Variants in SOAT1 observed in about 807,000 individuals in gnomAD.
The protein encoded by SOAT1 is sterol O-acyltransferase 1.
In SOAT1, 55 loss-of-function variants were observed where a neutral mutation model predicts 69.5. The ratio of observed to expected loss-of-function variants is 0.79; its 90% CI spans 0.64 to 0.99. The LOEUF (loss-of-function observed/expected upper bound fraction) is 0.99. Among genes scored for constraint, SOAT1 ranks in the 50% least tolerant of loss-of-function variants. SOAT1 has a pLI of 0.00. For synonymous variants in SOAT1, 231 were observed against 224.7 expected (o/e 1.03, Z -0.25); for missense variants, 580 against 669.3 (o/e 0.87, Z 1.47).
rs35938597 is a variant in SOAT1, at chr1:179,325,147, A to ATTTTTT, written c.177+1667_177+1672dup. ...TCTATTCTTGCAAGTTTAGTGACTA[A>ATTTTTT]TTTTTTTTTTTTTTTTTTTTGAGAC... On this transcript the variant is annotated intron_variant, in intron 3 of 15. Transcript: ENST00000367619. 9.6e-4 allele frequency among the ~76,000 whole-genome samples: 93 copies of ATTTTTT among 96,820 alleles called. 1 individual carries two copies. The highest frequency in any genetic ancestry group is 1.6e-3 in the African/African-American group (42 of 25,938). 63.5% of individuals were successfully genotyped at this position (96,820 alleles called of 152,430 possible).
In SOAT1 at chr1:179,300,210, C is replaced by T. The variant is rs148667226; in HGVS notation, c.-8-2467C>T. 1.8e-3 allele frequency among the ~76,000 whole-genome samples: 279 copies of T among 151,766 alleles called. 4 individuals carry two copies. Among genetic ancestry groups the T allele is most frequent in the African/African-American group, 6.2e-3 (258 of 41,410 alleles). ...ATTCCCATTATTCCTTGTAAAATTC[C>T]TCTCTTACTGAAACATCTTGGTTCC... On this transcript the variant is annotated intron_variant, in intron 1 of 15. Coordinates refer to ENST00000367619, the MANE Select transcript of SOAT1 (RefSeq NM_003101.6).
In SOAT1 at chr1:179,342,199, A is replaced by G. The variant is rs754983530; in HGVS notation, c.859+7A>G. ...TCAGCTAAGGAGAAATCAAGTATGT[A>G]ATTTCTTTTGTTCATTATTTCTTCC... is the stretch of plus-strand genomic sequence containing the variant. On this transcript the variant is annotated splice_region_variant and intron_variant, in intron 8 of 15. Coordinates refer to ENST00000367619, the MANE Select transcript of SOAT1 (RefSeq NM_003101.6). 1.9e-6 allele frequency: 3 copies of G among 1,604,942 alleles called. No homozygotes were observed. The highest frequency in any genetic ancestry group is 2.6e-6 in the Non-Finnish European group (3 of 1,173,066).
chr1:179,342,240 T>TC, intron 8 of SOAT1, 48 bp downstream of exon 8: 1 of 1,077,640 alleles, frequency 9.3e-7, no homozygotes, highest in South Asian at 1.4e-5. Context: ...TCCCCTCCTC[T>TC]CCCCCCACCC....
chr1:179,336,867 T>C (rs938602229), intron 4 of SOAT1, among the ~76,000 whole-genome samples: 2 of 151,900 alleles, frequency 1.3e-5, no homozygotes, highest in African/African-American at 2.4e-5. Flanking sequence ...CCATGGCAAG[T>C]GCCTATAATC....
intron 7 of SOAT1, among the ~76,000 whole-genome samples, chr1:179,341,604 G>T (rs778746049): frequency 2.1e-4 from 31 of 147,786 alleles, no homozygotes; most frequent in Non-Finnish European, 4.4e-4. Context: ...GCACCATCTC[G>T]GCTCACTGCA....
chr1:179,309,074 G>A (rs1466721413), intron 2 of SOAT1, among the ~76,000 whole-genome samples: 1 of 152,104 alleles, frequency 6.6e-6, no homozygotes, highest in Non-Finnish European at 1.5e-5. Flanking sequence ...ACTTGTACTG[G>A]TATACCTATA....
chr1:179,296,866 T>C (rs992951180), intron 1 of SOAT1, among the ~76,000 whole-genome samples: 7 of 152,216 alleles, frequency 4.6e-5, no homozygotes, highest in African/African-American at 1.4e-4. Flanking sequence ...GTTTCTCAAA[T>C]CATTTCTTTT....
chr1:179,353,531 C>T, intron 15 of SOAT1, 54 bp from the exon 16 acceptor site: 2 of 1,472,230 alleles, frequency 1.4e-6, no homozygotes, highest in Non-Finnish European at 1.9e-6. Context: ...ATCTCCACAC[C>T]TCCTCTACTC....
At chr1:179,297,095 A>C (rs1246617523) in intron 1 of SOAT1, among the ~76,000 whole-genome samples, 2 of 152,166 alleles carry the variant, frequency 1.3e-5, no homozygotes, top group Non-Finnish European at 2.9e-5. Flanking sequence ...AAAAATGGAC[A>C]TGTTAAATGA....
At chr1:179,344,637 G>C (rs1233969239) in intron 10 of SOAT1, among the ~76,000 whole-genome samples, 1 of 152,072 alleles carries the variant, frequency 6.6e-6, no homozygotes, top group East Asian at 1.9e-4. Flanking sequence ...GCCTCCCAAA[G>C]TGCTGGGATT....
At chr1:179,330,987 T>C (rs1665950336) in intron 3 of SOAT1, among the ~76,000 whole-genome samples, 1 of 152,200 alleles carries the variant, frequency 6.6e-6, no homozygotes, top group African/African-American at 2.4e-5. Context: ...TCAGGGATTC[T>C]AGTACTAAGA....
At chr1:179,351,017 C>CTTTTTTTTTTTTTTT (rs1558060562) in intron 14 of SOAT1, among the ~76,000 whole-genome samples, 1 of 13,954 alleles carries the variant, frequency 7.2e-5, no homozygotes, top group African/African-American at 3.1e-4. Flanking sequence ...CTGTATATTT[C>CTTTTTTTTTTTTTTT]TTTCTTTTTT....
chr1:179,306,712 G>A (rs1665016643), intron 2 of SOAT1, among the ~76,000 whole-genome samples: 1 of 151,428 alleles, frequency 6.6e-6, no homozygotes, highest in South Asian at 2.1e-4. Context: ...GGCACCAGTA[G>A]TCCCAGCTAC....
intron 2 of SOAT1, among the ~76,000 whole-genome samples, chr1:179,317,982 T>C (rs763257458): frequency 6.6e-6 from 1 of 151,538 alleles, no homozygotes; most frequent in Non-Finnish European, 1.5e-5. Flanking sequence ...AGGCCAGGAG[T>C]TAAGTCAAGC....
chr1:179,341,225 T>C lies in SOAT1; in HGVS notation c.695T>C (p.Ile232Thr), dbSNP rs769409695. The C allele has an allele frequency of 3.1e-6, 5 of 1,614,052 alleles. No individual in the cohort carries two copies. Among genetic ancestry groups the C allele is most frequent in the East Asian group, 2.2e-5 (1 of 44,890 alleles). The change falls in exon 7 of 16, where the codon ATT (isoleucine) becomes ACT (threonine). Residue 232 changes from isoleucine to threonine, a missense_variant. By Grantham distance (89) the Ile-to-Thr change is moderately conservative. Transcript: ENST00000367619. ...FHGFLFMIFQ[I>T]GVLGFGPTYV... is the part of the protein sequence containing the mutation. ...GGCTTTCTTTTCATGATCTTCCAGATTGGAGTTCTAGGTTTTGGACCAACA... is the reference window on the plus strand; with the variant it reads ...GGCTTTCTTTTCATGATCTTCCAGACTGGAGTTCTAGGTTTTGGACCAACA...
chr1:179,297,422 C>CG (rs1664687044), intron 1 of SOAT1, among the ~76,000 whole-genome samples: 1 of 152,038 alleles, frequency 6.6e-6, no homozygotes, highest in African/African-American at 2.4e-5. Flanking sequence ...CTGCAACCTC[C>CG]GCCTCCTGGG....
chr1:179,309,765 A>G (rs1329141207), intron 2 of SOAT1, among the ~76,000 whole-genome samples: 1 of 151,730 alleles, frequency 6.6e-6, no homozygotes, highest in Non-Finnish European at 1.5e-5. Flanking sequence ...TACTTTGAAT[A>G]TTTTCTTAAT....
chr1:179,338,113 G>C (rs968778900), intron 5 of SOAT1, among the ~76,000 whole-genome samples: 23 of 152,098 alleles, frequency 1.5e-4, no homozygotes, highest in African/African-American at 5.6e-4. Flanking sequence ...TCTGGGCTTG[G>C]CACTGTGACT....
chr1:179,349,527 A>G (rs1016689686), intron 13 of SOAT1, among the ~76,000 whole-genome samples: 1 of 151,964 alleles, frequency 6.6e-6, no homozygotes, highest in Non-Finnish European at 1.5e-5. Context: ...GTGTTTCTCC[A>G]TGTTGGTCAG....
Sources: allele counts gnomAD v4.1 joint callset (sites outside exome capture counted in the v4.1 genomes callset), GRCh38; gene constraint gnomAD v4.1.1; transcripts MANE v1.5; gene names NCBI Gene and HGNC (gene_info 2026-07-23, HGNC 2026-07-21).